The following TMC7 variants were observed in gnomAD, a reference collection of about 807,000 sequenced individuals.
TMC7 encodes transmembrane channel-like protein 7.
In TMC7, 54 loss-of-function variants were observed where a neutral mutation model predicts 82.9. That is an observed-to-expected ratio of 0.65 (90% CI 0.52 to 0.82). The LOEUF (loss-of-function observed/expected upper bound fraction) is 0.82. Ranked by LOEUF, TMC7 falls within the 40% of genes least tolerant of loss-of-function variation. TMC7 has a pLI of 0.00. For missense variants in TMC7, 820 were observed against 901.2 expected (o/e 0.91, Z 1.15); for synonymous variants, 350 against 337.9 (o/e 1.04, Z -0.39).
chr16:19,042,396 A>G (rs1286072811), intron 9 of TMC7, among the ~76,000 whole-genome samples: 1 of 151,806 alleles, frequency 6.6e-6, no homozygotes, highest in Admixed American at 6.6e-5. Flanking sequence ...GCTGTTCTCA[A>G]ACTCCTGGGC....
intron 9 of TMC7, among the ~76,000 whole-genome samples, chr16:19,042,601 G>A (rs1469196062): frequency 2.0e-5 from 3 of 151,112 alleles, no homozygotes; most frequent in African/African-American, 7.3e-5. Flanking sequence ...TCCGCCTCCC[G>A]GGTTCACGCC....
rs750581075 is a variant in TMC7 at position 19,023,155 on chromosome 16, TTTAC to T, written c.674_677del (p.Tyr225PhefsTer6). Reference sequence around the variant, plus strand: ...TATCCAGTAAGCAGTTCTGGACTCATTTACTTTTACAGTTATATCATAGACTTGC... The same window carrying T: ...TATCCAGTAAGCAGTTCTGGACTCATTTTTACAGTTATATCATAGACTTGC... On this transcript the variant is annotated frameshift_variant, in exon 5 of 16. Coordinates refer to ENST00000304381, the MANE Select transcript of TMC7 (RefSeq NM_024847.4). LOFTEE classifies it high-confidence loss of function. 4 of 1,610,454 alleles carry T rather than the reference TTTAC, an allele frequency of 2.5e-6. No homozygotes were observed. The South Asian group carries it at 4.4e-5, about 18-fold the overall frequency.
chr16:18,991,625 G>A (rs546083977), intron 1 of TMC7, among the ~76,000 whole-genome samples: 45 of 152,168 alleles, frequency 3.0e-4, no homozygotes, highest in African/African-American at 1.1e-3. Flanking sequence ...TAGGGTACAT[G>A]TGCACAATGT....
At chr16:19,055,691 A>G (rs1330755209) in intron 13 of TMC7, among the ~76,000 whole-genome samples, 4 of 152,092 alleles carry the variant, frequency 2.6e-5, no homozygotes, top group Non-Finnish European at 1.5e-5. Flanking sequence ...TATTTCTTCT[A>G]TCTCCTTAGT....
At chr16:18,993,710 T>G (rs2038989850) in intron 1 of TMC7, among the ~76,000 whole-genome samples, 1 of 152,190 alleles carries the variant, frequency 6.6e-6, no homozygotes, top group Non-Finnish European at 1.5e-5. Context: ...GGAGGACCCT[T>G]GCATAGTGAG....
At chr16:19,045,297 C>G (rs925113422) in intron 10 of TMC7, 44 bp from the exon 11 acceptor site, 1 of 1,524,622 alleles carries the variant, frequency 6.6e-7, no homozygotes, top group African/African-American at 1.4e-5. Flanking sequence ...TTTTCTCTGC[C>G]TCAGCTAGGG....
At chr16:19,036,266 T>C (rs1331760234) in intron 7 of TMC7, among the ~76,000 whole-genome samples, 1 of 152,094 alleles carries the variant, frequency 6.6e-6, no homozygotes, top group East Asian at 1.9e-4. Context: ...TCCCAGCACT[T>C]TGGGAGGCTG....
In TMC7 at chr16:19,009,386, A is replaced by G; in HGVS notation, c.282A>G (p.Ala94=). 3 of 1,614,134 alleles carry G rather than the reference A, an allele frequency of 1.9e-6. No individual in the cohort carries two copies. Among genetic ancestry groups the G allele is most frequent in the Non-Finnish European group, 2.5e-6 (3 of 1,180,002 alleles). Residue 94 remains alanine, a synonymous_variant, in exon 2 of 16, where the codon GCA becomes GCG. Coordinates refer to ENST00000304381, the MANE Select transcript of TMC7 (RefSeq NM_024847.4). ...GCAGCCATTCTCTTCGAAATTATGC[A>G]CTGAACATCTCTGAGAAGCGGAGAC... ...NLSSHSLRNY[A]LNISEKRRLR...
chr16:19,025,692 C>G (rs544971114), intron 5 of TMC7, among the ~76,000 whole-genome samples: 1 of 151,750 alleles, frequency 6.6e-6, no homozygotes, highest in African/African-American at 2.4e-5. Context: ...TTCTACTTTT[C>G]TGAATAAATT....
rs1009106278 is a variant in TMC7 at position 18,998,740 on chromosome 16, T to C, written c.68-10432T>C. On this transcript the variant is annotated intron_variant, in intron 1 of 15. Coordinates refer to ENST00000304381, the MANE Select transcript of TMC7 (RefSeq NM_024847.4). ...CTGCACTCCAGCCTGGGTGACAGAG[T>C]GAGACTCTGTCTCAAAAAAAAAAAA... Among the ~76,000 whole-genome samples the C allele has an allele frequency of 5.0e-4, 60 of 120,412 alleles. No homozygotes were observed. In the South Asian group the frequency reaches 5.7e-3, roughly 12 times the overall value. 79.0% of individuals were successfully genotyped at this position (120,412 alleles called of 152,430 possible). A position where few individuals can be genotyped will look rare whatever the true frequency, so the allele number is the denominator to read the frequency against.
At chr16:19,049,068 A>G (rs1349083620) in intron 12 of TMC7, among the ~76,000 whole-genome samples, 1 of 151,988 alleles carries the variant, frequency 6.6e-6, no homozygotes, top group Non-Finnish European at 1.5e-5. Context: ...CCTCACTCCA[A>G]GTTGGAGTGC....
intron 2 of TMC7, among the ~76,000 whole-genome samples, chr16:19,010,332 G>T (rs55868176): frequency 0.92 from 139,773 of 151,798 alleles, 64,817 homozygotes; most frequent in Non-Finnish European, 0.97. Flanking sequence ...TTTTGTATTT[G>T]TAGTAGAGAC....
At chr16:19,014,096 G>T (rs1959542187) in intron 2 of TMC7, among the ~76,000 whole-genome samples, 1 of 149,674 alleles carries the variant, frequency 6.7e-6, no homozygotes, top group Middle Eastern at 3.8e-3. Context: ...TTGATCTTCT[G>T]ACCTTGTGAT....
intron 3 of TMC7, among the ~76,000 whole-genome samples, chr16:19,018,961 C>T (rs367862709): frequency 9.2e-5 from 14 of 152,308 alleles, no homozygotes; most frequent in African/African-American, 2.6e-4. Flanking sequence ...AGTGATTCCC[C>T]TGCTTCAGCC....
intron 1 of TMC7, among the ~76,000 whole-genome samples, chr16:18,988,055 A>C (rs1408543643): frequency 6.6e-6 from 1 of 151,968 alleles, no homozygotes; most frequent in East Asian, 1.9e-4. Context: ...TGCAGTCTCA[A>C]ACTCCTAGCC....
In TMC7 at chr16:18,983,950, T is replaced by C. The variant is rs1297020372; in HGVS notation, c.-114T>C. 3 of 1,157,048 alleles carry C rather than the reference T, an allele frequency of 2.6e-6. No individual in the cohort carries two copies. The highest frequency in any genetic ancestry group is 4.1e-5 in the Admixed American group (1 of 24,102). The allele number at this position is 1,157,048 out of a possible 1,614,324, so 71.7% of individuals were successfully genotyped here. On this transcript the variant is annotated 5_prime_UTR_variant, in exon 1 of 16. An upstream start codon of the reference 5' UTR is lost. Coordinates refer to ENST00000304381, the MANE Select transcript of TMC7 (RefSeq NM_024847.4). ...GGGCGCCCCACTCCGGCTTCTGTGATGTCAGCGCCGGAACCTGGAATCCCG... is the reference window on the plus strand; with the variant it reads ...GGGCGCCCCACTCCGGCTTCTGTGACGTCAGCGCCGGAACCTGGAATCCCG...
chr16:19,063,554 A>C lies in TMC7; in HGVS notation c.*1711A>C, dbSNP rs1434616662. On this transcript the variant is annotated 3_prime_UTR_variant, in exon 16 of 16. Transcript: ENST00000304381. ...GTGACAGAGGGAGACCCTATCTCAA[A>C]AAAAAAGATAGGTGAAAAGAAAAAA... 1 of 152,124 alleles carries C rather than the reference A, an allele frequency of 6.6e-6. No individual in the cohort carries two copies. The highest frequency in any genetic ancestry group is 1.9e-4 in the East Asian group (1 of 5,200). 9.4% of individuals were successfully genotyped at this position (152,124 alleles called of 1,614,324 possible).
intron 2 of TMC7, among the ~76,000 whole-genome samples, chr16:19,010,135 TC>T (rs1567508115): frequency 1.1e-5 from 1 of 94,338 alleles, no homozygotes; most frequent in Non-Finnish European, 2.1e-5. Flanking sequence ...CTCTCTCCTC[TC>T]CCCTCCCCTC....
In TMC7 at chr16:19,059,173, C is replaced by T. The variant is rs573205262; in HGVS notation, c.2028-243C>T. Among the ~76,000 whole-genome samples the T allele has an allele frequency of 5.9e-5, 9 of 152,188 alleles. No homozygotes were observed. The East Asian group carries it at 1.4e-3, about 23-fold the overall frequency. ...GATTACAGGTGTGAGCCACTGCGCC[C>T]GGCCATATTTTATTTTTCTAGAGGT... On this transcript the variant is annotated intron_variant, in intron 14 of 15. Transcript: ENST00000304381.
Sources: gnomAD v4.1 joint callset for allele counts (sites outside exome capture counted in the v4.1 genomes callset) on GRCh38, gnomAD v4.1.1 for gene constraint, MANE v1.5 for transcripts, NCBI Gene and HGNC (gene_info 2026-07-23, HGNC 2026-07-21) for gene names.